Variants in ADAM32 observed in about 807,000 individuals in gnomAD.
ADAM32 encodes disintegrin and metalloproteinase domain-containing protein 32.
ADAM32 carries 89 observed loss-of-function variants against 114.9 expected under a neutral mutation model. The observed-to-expected ratio is 0.77, with a 90% CI of 0.65 to 0.92. The LOEUF (loss-of-function observed/expected upper bound fraction) is 0.92, where lower values mean the gene tolerates loss of function less well. ADAM32 is among the 40% of genes least tolerant of loss of function. The probability of loss-of-function intolerance (pLI) is 0.00; values close to 1 mark genes in which losing one functional copy is unlikely to be tolerated. For synonymous variants in ADAM32, 285 were observed against 307.5 expected, an observed-to-expected ratio of 0.93 and a Z score of 0.77; for missense variants, 870 against 932.8, an observed-to-expected ratio of 0.93 and a Z score of 0.88.
chr8:39,129,481 G>A (rs1445098749), intron 2 of ADAM32, among the ~76,000 whole-genome samples: 1 of 151,922 alleles, frequency 6.6e-6, no homozygotes, highest in Non-Finnish European at 1.5e-5. Context: ...TCTTCCTTTA[G>A]TTTATTGATG....
chr8:39,238,440 T>G (rs1810339786), intron 16 of ADAM32, among the ~76,000 whole-genome samples: 1 of 152,168 alleles, frequency 6.6e-6, no homozygotes, highest in South Asian at 2.1e-4. Flanking sequence ...AGCACTTGAT[T>G]CCCAGATCTT....
chr8:39,170,897 G>A (rs2129446460), intron 10 of ADAM32, among the ~76,000 whole-genome samples: 1 of 152,104 alleles, frequency 6.6e-6, no homozygotes, highest in East Asian at 1.9e-4. Flanking sequence ...GTTGAGTAAT[G>A]GGTACAAAAT....
At chr8:39,240,769 T>C (rs1015581639) in intron 16 of ADAM32, among the ~76,000 whole-genome samples, 2 of 152,134 alleles carry the variant, frequency 1.3e-5, no homozygotes, top group Non-Finnish European at 2.9e-5. Flanking sequence ...GCCCTCATGG[T>C]TCAATTACCT....
chr8:39,132,601 TCA>T (rs1802532137), intron 2 of ADAM32, among the ~76,000 whole-genome samples: 2 of 152,218 alleles, frequency 1.3e-5, no homozygotes, highest in Non-Finnish European at 2.9e-5. Context: ...TTATGTTAAC[TCA>T]CACATTTACC....
At chr8:39,264,753 G>T (rs1812248180) in intron 19 of ADAM32, among the ~76,000 whole-genome samples, 1 of 152,040 alleles carries the variant, frequency 6.6e-6, no homozygotes, top group Non-Finnish European at 1.5e-5. Flanking sequence ...TTATATGTTT[G>T]TTTATATTAG....
At chr8:39,238,582 AT>A in intron 16 of ADAM32, among the ~76,000 whole-genome samples, 1 of 152,336 alleles carries the variant, frequency 6.6e-6, no homozygotes, top group Non-Finnish European at 1.5e-5. Context: ...CGAAGGAGAA[AT>A]TTCTGAACTG....
chr8:39,221,483 T>C (rs908487026), intron 12 of ADAM32, 127 bp from the exon 13 acceptor site: 2 of 690,948 alleles, frequency 2.9e-6, no homozygotes, highest in Non-Finnish European at 4.9e-6. Flanking sequence ...TGTTAAAACC[T>C]GTAACTATCA....
At chr8:39,154,800 A>G (rs1804039705) in intron 6 of ADAM32, among the ~76,000 whole-genome samples, 1 of 150,782 alleles carries the variant, frequency 6.6e-6, no homozygotes, top group African/African-American at 2.4e-5. Context: ...AGGGATGATG[A>G]GCTTTTTTTT....
At chr8:39,123,921 G>T (rs1376792253) in intron 2 of ADAM32, among the ~76,000 whole-genome samples, 2 of 151,716 alleles carry the variant, frequency 1.3e-5, no homozygotes, top group Admixed American at 1.3e-4. Context: ...TGGCCAGGCT[G>T]GTCTTGATGT....
chr8:39,178,320 G>C (rs182443750), intron 10 of ADAM32, among the ~76,000 whole-genome samples: 1 of 152,176 alleles, frequency 6.6e-6, no homozygotes, highest in Non-Finnish European at 1.5e-5. Context: ...ATTGATACTT[G>C]TGATTGCATT....
intron 17 of ADAM32, among the ~76,000 whole-genome samples, chr8:39,248,356 T>C (rs1025710365): frequency 6.6e-6 from 1 of 152,182 alleles, no homozygotes; most frequent in Non-Finnish European, 1.5e-5. Flanking sequence ...AGTCCTTTTT[T>C]ATTTCCTTCA....
At chr8:39,221,216 A>T (rs887030616) in intron 12 of ADAM32, 1 of 159,396 alleles carries the variant, frequency 6.3e-6, no homozygotes, top group Non-Finnish European at 1.4e-5. Context: ...TCTAATATAA[A>T]TATAGCTATT....
chr8:39,255,788 T>C (rs1291604250), intron 18 of ADAM32, among the ~76,000 whole-genome samples: 2 of 152,096 alleles, frequency 1.3e-5, no homozygotes, highest in African/African-American at 4.8e-5. Context: ...TTCTTGCTCA[T>C]GAACGCTTTG....
chr8:39,107,977 C>G (rs1048343892), intron 1 of ADAM32, 144 bp downstream of exon 1: 21 of 1,156,716 alleles, frequency 1.8e-5, no homozygotes, highest in Non-Finnish European at 2.3e-5. Context: ...ATTAGGCGCC[C>G]CGTCCGGATG....
chr8:39,205,905 A>T (rs1278299361), intron 11 of ADAM32, among the ~76,000 whole-genome samples: 2 of 152,080 alleles, frequency 1.3e-5, no homozygotes, highest in African/African-American at 2.4e-5. Flanking sequence ...CTGTTACTGC[A>T]TAATTTTTGT....
Position 39,187,063 on chromosome 8 carries a change from A to G in ADAM32, c.1052+18A>G. The G allele has an allele frequency of 6.3e-7, 1 of 1,582,988 alleles. No homozygotes were observed. Among genetic ancestry groups the G allele is most frequent in the African/African-American group, 1.4e-5 (1 of 73,838 alleles). Reference sequence around the variant, plus strand: ...GAAGTTGTGTAAGTTTTAACAATTTATTTATTGCTTATGTTTATTTCATTT... The same window carrying G: ...GAAGTTGTGTAAGTTTTAACAATTTGTTTATTGCTTATGTTTATTTCATTT... On this transcript the variant is annotated intron_variant, in intron 11 of 24. Coordinates refer to ENST00000379907, the MANE Select transcript of ADAM32 (RefSeq NM_145004.7).
At chr8:39,137,455 G>GAAGAAAAGA (rs1802868132) in intron 3 of ADAM32, among the ~76,000 whole-genome samples, 1 of 152,114 alleles carries the variant, frequency 6.6e-6, no homozygotes, top group African/African-American at 2.4e-5. Context: ...TTCTTAAGGA[G>GAAGAAAAGA]AAGAAAAGAG....
At chr8:39,110,679 T>C (rs989407435) in intron 1 of ADAM32, among the ~76,000 whole-genome samples, 2 of 152,244 alleles carry the variant, frequency 1.3e-5, no homozygotes, top group Admixed American at 1.3e-4. Context: ...AGAACTTCTT[T>C]TATTAATGCT....
At chr8:39,278,101 G>A (rs1365089444) in intron 22 of ADAM32, among the ~76,000 whole-genome samples, 1 of 152,186 alleles carries the variant, frequency 6.6e-6, no homozygotes, top group East Asian at 1.9e-4. Flanking sequence ...AAAAGGGGAT[G>A]GGCAGGAAAT....
Sources: gnomAD v4.1 joint callset for allele counts (sites outside exome capture counted in the v4.1 genomes callset) on GRCh38, gnomAD v4.1.1 for gene constraint, MANE v1.5 for transcripts, NCBI Gene and HGNC (gene_info 2026-07-23, HGNC 2026-07-21) for gene names.